The following ZCCHC7 variants were observed in gnomAD, a reference collection of about 807,000 sequenced individuals.
ZCCHC7 encodes zinc finger CCHC-type containing 7.
A neutral mutation model predicts 52.0 loss-of-function variants in ZCCHC7; 35 were observed. The observed-to-expected ratio is 0.67, with a 90% CI of 0.51 to 0.89. ZCCHC7 has a LOEUF of 0.89. Ranked by LOEUF, ZCCHC7 falls within the 40% of genes least tolerant of loss-of-function variation. ZCCHC7 has a pLI of 0.00. For missense variants in ZCCHC7, 574 were observed against 649.1 expected (o/e 0.88, Z 1.26); for synonymous variants, 217 against 221.5 (o/e 0.98, Z 0.18).
chr9:37,252,566 G>A (rs938571282), intron 2 of ZCCHC7, among the ~76,000 whole-genome samples: 47 of 152,212 alleles, frequency 3.1e-4, no homozygotes, highest in Middle Eastern at 3.4e-3. Context: ...GTCTCCTGCC[G>A]TCACTAGAGG....
chr9:37,209,432 A>C (rs1824093356), intron 2 of ZCCHC7, among the ~76,000 whole-genome samples: 1 of 152,058 alleles, frequency 6.6e-6, no homozygotes, highest in African/African-American at 2.4e-5. Flanking sequence ...CTCAATATTT[A>C]CATGGCTGTC....
chr9:37,176,969 A>C (rs1822069338), intron 2 of ZCCHC7, among the ~76,000 whole-genome samples: 1 of 152,198 alleles, frequency 6.6e-6, no homozygotes, highest in Non-Finnish European at 1.5e-5. Flanking sequence ...CTGATGCCTC[A>C]GTCCTACCCC....
intron 2 of ZCCHC7, chr9:37,144,911 T>C (rs1843371719): frequency 6.6e-6 from 1 of 152,036 alleles, no homozygotes; most frequent in Admixed American, 6.6e-5. Context: ...AAAGGAATTC[T>C]TTTAACTCCT....
rs150676364 is a variant in ZCCHC7 at position 37,269,761 on chromosome 9, G to T, written c.611-32427G>T. On this transcript the variant is annotated intron_variant, in intron 2 of 8. Transcript: ENST00000336755. ...TTTAAAGTAAAATCAACAGAACTTG[G>T]TATGGAACTATTTATGGGAGATGAG... Among the ~76,000 whole-genome samples the T allele has an allele frequency of 3.3e-3, 497 of 152,058 alleles. 1 individual carries two copies. The highest frequency in any genetic ancestry group is 5.5e-3 in the Non-Finnish European group (372 of 67,986).
intron 2 of ZCCHC7, among the ~76,000 whole-genome samples, chr9:37,286,044 T>C (rs896489637): frequency 3.3e-5 from 5 of 152,222 alleles, no homozygotes; most frequent in Admixed American, 6.5e-5. Context: ...AGTAGAAAGA[T>C]GCAATTTTAA....
intron 5 of ZCCHC7, among the ~76,000 whole-genome samples, chr9:37,306,962 A>C (rs757453525): frequency 6.7e-6 from 1 of 149,846 alleles, no homozygotes. Flanking sequence ...TAATTTTTGT[A>C]TATTTAGTAG....
At chr9:37,146,134 A>G (rs1040656900) in intron 2 of ZCCHC7, among the ~76,000 whole-genome samples, 1 of 151,790 alleles carries the variant, frequency 6.6e-6, no homozygotes, top group Non-Finnish European at 1.5e-5. Flanking sequence ...GGTGTACCTT[A>G]TTTACCTTAT....
At chr9:37,310,333 G>A (rs1356625101) in intron 5 of ZCCHC7, among the ~76,000 whole-genome samples, 1 of 152,106 alleles carries the variant, frequency 6.6e-6, no homozygotes, top group East Asian at 1.9e-4. Context: ...ATTTTTAAAT[G>A]TCTGTATACC....
At position 37,253,137 on chromosome 9, in the gene ZCCHC7, G is replaced by A. The variant is rs184548903; in HGVS notation, c.611-49051G>A. 5.3e-5 allele frequency among the ~76,000 whole-genome samples: 8 copies of A among 151,906 alleles called. No individual in the cohort carries two copies. The East Asian group carries it at 1.2e-3, about 22-fold the overall frequency. On this transcript the variant is annotated intron_variant, in intron 2 of 8. Coordinates refer to ENST00000336755, the MANE Select transcript of ZCCHC7 (RefSeq NM_032226.3). ...AAGATTCTAAAAGGTCTATAGATAC[G>A]GCAAGAAAACTGTTTTTTGGAAAAT...
In ZCCHC7 at chr9:37,126,465, C is replaced by G. The variant is rs368554413; in HGVS notation, c.133C>G (p.Leu45Val). 6.2e-6 allele frequency: 10 copies of G among 1,613,540 alleles called. No homozygotes were observed. In the African/African-American group the frequency reaches 1.3e-4, roughly 22 times the overall value. ...TAGCCAAATTCATTATGCCCAAGAT[C>G]TTGATGATGTCATCAGGGAGGAAGA... Reference protein sequence around the residue: ...LYSQIHYAQDLDDVIREEEHE... With the variant: ...LYSQIHYAQDVDDVIREEEHE... The change falls in exon 2 of 9, where the codon CTT becomes GTT. Residue 45 changes from leucine to valine, a missense_variant. Physicochemically the swap from Leu to Val is conservative, Grantham distance 32 (BLOSUM62 1). Around this residue, in one of 3 missense-constraint regions of ZCCHC7, gnomAD observed 403 missense variants for 461.2 expected, o/e 0.87. Transcript: ENST00000336755.
chr9:37,344,476 T>C (rs1272185631), intron 6 of ZCCHC7, among the ~76,000 whole-genome samples: 2 of 152,212 alleles, frequency 1.3e-5, no homozygotes, highest in East Asian at 3.9e-4. Flanking sequence ...CTTCCAAATT[T>C]ACAGGTATTT....
intron 5 of ZCCHC7, among the ~76,000 whole-genome samples, chr9:37,323,173 TA>T (rs1463443175): frequency 2.0e-5 from 3 of 152,224 alleles, no homozygotes; most frequent in Non-Finnish European, 2.9e-5. Flanking sequence ...TTTTAGCTGC[TA>T]CATTATCATG....
chr9:37,355,264 A>G (rs1386859963), intron 8 of ZCCHC7, among the ~76,000 whole-genome samples: 3 of 152,212 alleles, frequency 2.0e-5, no homozygotes, highest in Non-Finnish European at 4.4e-5. Context: ...GCAGAGCTCC[A>G]AGTTCACAAC....
intron 1 of ZCCHC7, among the ~76,000 whole-genome samples, chr9:37,121,875 T>G (rs373798070): frequency 7.9e-5 from 12 of 152,340 alleles, no homozygotes; most frequent in African/African-American, 2.9e-4. Flanking sequence ...ACATTTGGAT[T>G]CTCCATCCCA....
intron 2 of ZCCHC7, among the ~76,000 whole-genome samples, chr9:37,153,566 G>A (rs185275774): frequency 1.4e-3 from 218 of 151,662 alleles, no homozygotes; most frequent in Non-Finnish European, 2.6e-3. Context: ...CTCCTGCCTC[G>A]GCCTCCCAAA....
rs745631355 is a variant in ZCCHC7 at position 37,186,694 on chromosome 9, A to AT, written c.610+59761dup. On this transcript the variant is annotated intron_variant, in intron 2 of 8. Coordinates refer to ENST00000336755, the MANE Select transcript of ZCCHC7 (RefSeq NM_032226.3). ...TCTTAGAATATTTACAGATTCAAAT[A>AT]TTTTTTTTTCCTTGCAGGCCAAGAA... 640 of 579,702 alleles carry AT rather than the reference A, an allele frequency of 1.1e-3. 1 individual carries two copies. The highest frequency in any genetic ancestry group is 2.0e-3 in the African/African-American group (104 of 52,924). 35.9% of individuals were successfully genotyped at this position (579,702 alleles called of 1,614,324 possible).
intron 2 of ZCCHC7, chr9:37,160,339 A>G (rs527951319): frequency 2.2e-4 from 34 of 152,330 alleles, no homozygotes; most frequent in African/African-American, 8.2e-4. Context: ...GCGAGACTTC[A>G]TCTCTACTAA....
chr9:37,275,418 G>A (rs1020165349), intron 2 of ZCCHC7, among the ~76,000 whole-genome samples: 2 of 150,806 alleles, frequency 1.3e-5, no homozygotes, highest in Non-Finnish European at 2.9e-5. Context: ...TAAAGCTGTG[G>A]TTCATTTTTT....
chr9:37,162,296 C>CAT (rs1332581808), intron 2 of ZCCHC7, among the ~76,000 whole-genome samples: 3 of 151,964 alleles, frequency 2.0e-5, no homozygotes, highest in African/African-American at 7.3e-5. Context: ...TTTTAAGATA[C>CAT]ATATATACAC....
Sources: allele counts gnomAD v4.1 joint callset (sites outside exome capture counted in the v4.1 genomes callset), GRCh38; gene constraint gnomAD v4.1.1; regional missense constraint gnomAD v4.1.1; transcripts MANE v1.5; gene names NCBI Gene and HGNC (gene_info 2026-07-23, HGNC 2026-07-21).